Variants in STK32B observed in about 807,000 individuals in gnomAD.
STK32B encodes serine/threonine-protein kinase 32B.
In STK32B, 43 loss-of-function variants were observed where a neutral mutation model predicts 52.6. The ratio of observed to expected loss-of-function variants is 0.82; its 90% confidence interval spans 0.64 to 1.05. STK32B has a LOEUF of 1.05. STK32B is among the 50% of genes least tolerant of loss of function. The pLI is 0.00. For missense variants in STK32B, 621 were observed against 534.6 expected, an observed-to-expected ratio of 1.16 and a Z score of -1.59; for synonymous variants, 238 against 204.3, an observed-to-expected ratio of 1.17 and a Z score of -1.41.
At chr4:5,071,844 CA>C (rs1372877926) in intron 1 of STK32B, among the ~76,000 whole-genome samples, 1 of 152,080 alleles carries the variant, frequency 6.6e-6, no homozygotes, top group Non-Finnish European at 1.5e-5. Flanking sequence ...TTTATTTTAC[CA>C]ATTCCTTTAA....
At chr4:5,324,832 G>A (rs1253357421) in intron 3 of STK32B, among the ~76,000 whole-genome samples, 1 of 152,176 alleles carries the variant, frequency 6.6e-6, no homozygotes, top group Non-Finnish European at 1.5e-5. Context: ...GTCCATCCAG[G>A]GACTTGTCCT....
chr4:5,398,394 C>G lies in STK32B; in HGVS notation c.472+150C>G. ...TGTTTCAATCCTGGTGGATCAACATCTGTGTAAATTTCTGGTCCATGTCCT... is the reference window on the plus strand; with the variant it reads ...TGTTTCAATCCTGGTGGATCAACATGTGTGTAAATTTCTGGTCCATGTCCT... On this transcript the variant is annotated intron_variant, in intron 5 of 11. Coordinates refer to ENST00000282908, the MANE Select transcript of STK32B (RefSeq NM_018401.3). The surrounding 1 kb of genome is among the most constrained non-coding windows in gnomAD (Gnocchi z 4.9). 2.5e-6 allele frequency: 2 copies of G among 809,024 alleles called. No individual in the cohort carries two copies. The highest frequency in any genetic ancestry group is 3.9e-6 in the Non-Finnish European group (2 of 507,904). 50.1% of individuals were successfully genotyped at this position (809,024 alleles called of 1,614,324 possible).
upstream of STK32B, among the ~76,000 whole-genome samples, chr4:5,048,705 G>A (rs1298202093): frequency 6.6e-6 from 1 of 152,250 alleles, no homozygotes; most frequent in Non-Finnish European, 1.5e-5. Context: ...TGGGATTATA[G>A]GCGTGAAACG....
chr4:5,123,061 G>T (rs1228116945), intron 1 of STK32B, among the ~76,000 whole-genome samples: 2 of 151,994 alleles, frequency 1.3e-5, no homozygotes, highest in African/African-American at 4.8e-5. Context: ...CACCACAGCT[G>T]CCTCAAACTC....
intron 1 of STK32B, among the ~76,000 whole-genome samples, chr4:5,111,629 T>C (rs1325124886): frequency 6.6e-6 from 1 of 151,690 alleles, no homozygotes; most frequent in African/African-American, 2.4e-5. Flanking sequence ...TTGGGAAGGG[T>C]TGAAAAATTA....
the STK32B span, among the ~76,000 whole-genome samples, chr4:5,041,881 T>C: frequency 6.6e-6 from 1 of 152,032 alleles, no homozygotes; most frequent in African/African-American, 2.4e-5. Flanking sequence ...CGGTATTTAC[T>C]CTAAGCAAAC....
At chr4:5,323,258 C>T (rs537600726) in intron 3 of STK32B, among the ~76,000 whole-genome samples, 2 of 152,236 alleles carry the variant, frequency 1.3e-5, no homozygotes, top group African/African-American at 4.8e-5. Flanking sequence ...GAAATGGAAT[C>T]ACCTCCGAGG....
intron 6 of STK32B, among the ~76,000 whole-genome samples, chr4:5,438,874 TA>T (rs2109104382): frequency 6.6e-6 from 1 of 152,056 alleles, no homozygotes; most frequent in South Asian, 2.1e-4. Flanking sequence ...GTTCTTGGGA[TA>T]ATTTACTGAG....
intron 3 of STK32B, among the ~76,000 whole-genome samples, chr4:5,262,579 C>T (rs1726782857): frequency 6.7e-6 from 1 of 149,274 alleles, no homozygotes; most frequent in East Asian, 2.0e-4. Flanking sequence ...GAGCAGGGAT[C>T]GTGCCACTGC....
Position 5,374,773 on chromosome 4 carries a change from CG to C in STK32B, c.435-23429del, listed in dbSNP as rs35953395. Among the ~76,000 whole-genome samples the C allele has an allele frequency of 2.7e-3, 339 of 127,804 alleles. 6 individuals are homozygous for C. In the Middle Eastern group the frequency reaches 0.031, roughly 12 times the overall value. The allele number at this position is 127,804 out of a possible 152,430, so 83.8% of individuals were successfully genotyped here. ...TCATGTTTCAACATATGAATATTGACGGGGGCGGGGGGGGAACACCAACGTT... is the reference window on the plus strand; with the variant it reads ...TCATGTTTCAACATATGAATATTGACGGGGCGGGGGGGGAACACCAACGTT... On this transcript the variant is annotated intron_variant, in intron 4 of 11. Transcript: ENST00000282908.
At chr4:5,128,650 C>T (rs1715560724) in intron 1 of STK32B, among the ~76,000 whole-genome samples, 1 of 152,346 alleles carries the variant, frequency 6.6e-6, no homozygotes, top group South Asian at 2.1e-4. Context: ...CAAATACTGG[C>T]TGTCTACTTC....
At chr4:5,077,948 GC>G (rs907582722) in intron 1 of STK32B, among the ~76,000 whole-genome samples, 2 of 152,138 alleles carry the variant, frequency 1.3e-5, no homozygotes, top group Non-Finnish European at 2.9e-5. Flanking sequence ...GAAGGAAGTG[GC>G]CCAGGGTGCA....
At chr4:5,414,789 G>C (rs915203954) in intron 5 of STK32B, among the ~76,000 whole-genome samples, 1 of 152,236 alleles carries the variant, frequency 6.6e-6, no homozygotes, top group African/African-American at 2.4e-5. Context: ...TTACATGGGG[G>C]TGGGAGAGAC....
chr4:5,145,053 C>A (rs1421874376), intron 2 of STK32B, among the ~76,000 whole-genome samples: 1 of 152,136 alleles, frequency 6.6e-6, no homozygotes, highest in Non-Finnish European at 1.5e-5. Context: ...ATTCAAACTT[C>A]AAAAGCTGTG....
intron 3 of STK32B, among the ~76,000 whole-genome samples, chr4:5,212,537 C>A (rs1489060912): frequency 6.6e-6 from 1 of 152,200 alleles, no homozygotes; most frequent in Non-Finnish European, 1.5e-5. Context: ...AGAAGCACCC[C>A]ATGGCTGCTT....
intron 3 of STK32B, among the ~76,000 whole-genome samples, chr4:5,251,652 G>T (rs1056415696): frequency 2.6e-5 from 4 of 152,100 alleles, no homozygotes; most frequent in Non-Finnish European, 5.9e-5. Context: ...CTTTGAATCT[G>T]TAAACTTTTG....
intron 2 of STK32B, among the ~76,000 whole-genome samples, chr4:5,150,361 C>T (rs1022250406): frequency 6.6e-6 from 1 of 152,146 alleles, no homozygotes; most frequent in East Asian, 1.9e-4. Context: ...AGATTCACTT[C>T]CACTGATTAT....
chr4:5,392,202 A>C (rs1041650140), intron 4 of STK32B, among the ~76,000 whole-genome samples: 4 of 152,230 alleles, frequency 2.6e-5, no homozygotes, highest in African/African-American at 9.6e-5. Context: ...TGGGAGGCCG[A>C]GGCGGGTGGA....
chr4:5,139,694 G>A, intron 1 of STK32B: 1 of 571,244 alleles, frequency 1.8e-6, no homozygotes, highest in Non-Finnish European at 3.2e-6. Context: ...GTGAAGGGAA[G>A]GCTTCAGATG....
Sources: gnomAD v4.1 joint callset for allele counts (sites outside exome capture counted in the v4.1 genomes callset) on GRCh38, gnomAD v4.1.1 for gene constraint, Gnocchi (gnomAD v3.1) non-coding constraint, MANE v1.5 for transcripts, NCBI Gene and HGNC (gene_info 2026-07-23, HGNC 2026-07-21) for gene names.